The following TNKS variants were observed in gnomAD, a reference collection of about 807,000 sequenced individuals.
TNKS encodes the protein poly [ADP-ribose] polymerase tankyrase-1.
In TNKS, 72 loss-of-function variants were observed where a neutral mutation model predicts 135.8. The observed-to-expected ratio is 0.53, with a 90% CI of 0.44 to 0.64. The LOEUF (loss-of-function observed/expected upper bound fraction) is 0.64, where lower values mean the gene tolerates loss of function less well. Among genes scored for constraint, TNKS ranks in the 30% least tolerant of loss-of-function variants. The probability of loss-of-function intolerance (pLI) is 0.00; values close to 1 mark genes in which losing one functional copy is unlikely to be tolerated. For missense variants in TNKS, 1,769 were observed against 1,674.0 expected, an observed-to-expected ratio of 1.06 and a Z score of -0.99; for synonymous variants, 849 against 649.3, an observed-to-expected ratio of 1.31 and a Z score of -4.68.
intron 5 of TNKS, among the ~76,000 whole-genome samples, chr8:9,703,618 A>G (rs1278418685): frequency 1.3e-5 from 2 of 152,224 alleles, no homozygotes; most frequent in African/African-American, 2.4e-5. Context: ...CAGAATATGT[A>G]AAATGTATGA....
At chr8:9,599,050 A>T (rs1798917366) in intron 2 of TNKS, among the ~76,000 whole-genome samples, 1 of 151,892 alleles carries the variant, frequency 6.6e-6, no homozygotes, top group South Asian at 2.1e-4. Flanking sequence ...TGATCCTATT[A>T]TAAATTTCCC....
At chr8:9,708,614 T>A in intron 9 of TNKS, 122 bp downstream of exon 9, 1 of 1,080,516 alleles carries the variant, frequency 9.3e-7, no homozygotes, top group Non-Finnish European at 1.2e-6. Context: ...ATTTGCATGT[T>A]AATTTTGGTT....
At chr8:9,630,985 C>G (rs1042780082) in intron 3 of TNKS, among the ~76,000 whole-genome samples, 6 of 152,190 alleles carry the variant, frequency 3.9e-5, no homozygotes, top group Admixed American at 1.3e-4. Flanking sequence ...TTTTCATGAC[C>G]TTTTCTAAAA....
intron 2 of TNKS, among the ~76,000 whole-genome samples, chr8:9,612,411 T>C (rs1799495182): frequency 6.6e-6 from 1 of 152,136 alleles, no homozygotes. Flanking sequence ...AATGGAACTT[T>C]GTATAATATG....
chr8:9,763,175 T>C lies in TNKS; in HGVS notation c.3303T>C (p.Cys1101=), dbSNP rs762107646. The change falls in exon 22 of 27, where the codon TGT becomes TGC. Residue 1101 remains cysteine (C), a synonymous_variant. Coordinates refer to ENST00000310430, the MANE Select transcript of TNKS (RefSeq NM_003747.3). ...CCAATCCTTATTTGACTTTTCACTG[T>C]GTTAATCAGGGAACGATTTTGCTGG... ...QGTNPYLTFH[C]VNQGTILLDL... 6.2e-7 allele frequency: 1 copy of C among 1,604,866 alleles called. No homozygotes were observed. Among genetic ancestry groups the C allele is most frequent in the Non-Finnish European group, 8.5e-7 (1 of 1,174,522 alleles).
intron 14 of TNKS, among the ~76,000 whole-genome samples, chr8:9,732,778 T>C (rs1292225991): frequency 1.3e-5 from 2 of 152,184 alleles, no homozygotes; most frequent in Admixed American, 6.5e-5. Flanking sequence ...GTTGACATCG[T>C]CATTTTTCTT....
intron 2 of TNKS, among the ~76,000 whole-genome samples, chr8:9,598,763 GTGTATATATA>G (rs1798896266): frequency 3.4e-5 from 2 of 58,724 alleles, no homozygotes; most frequent in African/African-American, 1.2e-4. Context: ...ATATGTGTGT[GTGTATATATA>G]TATATATATA....
intron 3 of TNKS, among the ~76,000 whole-genome samples, chr8:9,651,278 C>T (rs949222755): frequency 1.2e-4 from 18 of 151,942 alleles, no homozygotes; most frequent in Admixed American, 9.8e-4. Context: ...ATAAAAATAG[C>T]AGCTAAAGTT....
At chr8:9,706,281 C>T (rs1336378238) in intron 7 of TNKS, 28 bp downstream of exon 7, 2 of 1,415,788 alleles carry the variant, frequency 1.4e-6, no homozygotes, top group African/African-American at 1.9e-5. Flanking sequence ...TATTGAGCAT[C>T]ATTTACTTTT....
At chr8:9,573,995 A>C (rs1022424365) in intron 1 of TNKS, among the ~76,000 whole-genome samples, 2 of 152,230 alleles carry the variant, frequency 1.3e-5, no homozygotes, top group African/African-American at 2.4e-5. Flanking sequence ...AATAGATACC[A>C]GTGACCTTAA....
At chr8:9,769,268 C>T (rs1379883884) in intron 25 of TNKS, among the ~76,000 whole-genome samples, 3 of 152,176 alleles carry the variant, frequency 2.0e-5, no homozygotes, top group Non-Finnish European at 4.4e-5. Context: ...TGGGCTATAG[C>T]TTGCTAACCC....
chr8:9,617,221 T>G (rs1449953110), intron 3 of TNKS, among the ~76,000 whole-genome samples: 1 of 152,222 alleles, frequency 6.6e-6, no homozygotes, highest in East Asian at 1.9e-4. Flanking sequence ...GTTGTTAGTT[T>G]GGGAAAGAGC....
At chr8:9,623,030 TG>T (rs1799923991) in intron 3 of TNKS, among the ~76,000 whole-genome samples, 1 of 152,190 alleles carries the variant, frequency 6.6e-6, no homozygotes, top group Non-Finnish European at 1.5e-5. Flanking sequence ...AATGATGAAC[TG>T]TAATGAGAGT....
At chr8:9,669,915 G>A (rs1802191903) in intron 3 of TNKS, among the ~76,000 whole-genome samples, 1 of 152,120 alleles carries the variant, frequency 6.6e-6, no homozygotes, top group Non-Finnish European at 1.5e-5. Context: ...GCTATAAAAA[G>A]GGCTATTGAG....
At chr8:9,749,349 C>G (rs1806398751) in intron 18 of TNKS, among the ~76,000 whole-genome samples, 1 of 152,172 alleles carries the variant, frequency 6.6e-6, no homozygotes, top group Non-Finnish European at 1.5e-5. Context: ...TAAAATTCAG[C>G]CAGACACATG....
chr8:9,666,939 A>T (rs1802027816), intron 3 of TNKS, among the ~76,000 whole-genome samples: 1 of 152,124 alleles, frequency 6.6e-6, no homozygotes, highest in Non-Finnish European at 1.5e-5. Flanking sequence ...TTCATAAAGA[A>T]ATTCTATCAA....
intron 5 of TNKS, among the ~76,000 whole-genome samples, chr8:9,691,258 T>C (rs1234099265): frequency 1.3e-5 from 1 of 77,754 alleles, no homozygotes; most frequent in Non-Finnish European, 2.9e-5. Context: ...CCAATTTCAA[T>C]ATTGTTATTC....
At chr8:9,648,272 C>G (rs941765862) in intron 3 of TNKS, among the ~76,000 whole-genome samples, 3 of 152,018 alleles carry the variant, frequency 2.0e-5, no homozygotes, top group Non-Finnish European at 2.9e-5. Flanking sequence ...ACTTTTTTCA[C>G]TTTGTAAAAG....
At position 9,776,825 on chromosome 8, in the gene TNKS, A is replaced by G. The variant is rs1300997510; in HGVS notation, c.*89A>G. ...TCTAATAACAACATCAATATTCTAG[A>G]AGTCCCTGACAGCCTAGAAATAAGC... On this transcript the variant is annotated 3_prime_UTR_variant, in exon 27 of 27. Coordinates refer to ENST00000310430, the MANE Select transcript of TNKS (RefSeq NM_003747.3). 8 of 1,294,140 alleles carry G rather than the reference A, an allele frequency of 6.2e-6. No individual in the cohort carries two copies. Among genetic ancestry groups the G allele is most frequent in the Middle Eastern group, 2.0e-4 (1 of 5,116 alleles). 80.2% of individuals were successfully genotyped at this position (1,294,140 alleles called of 1,614,324 possible).
Sources: gnomAD v4.1 joint callset for allele counts (sites outside exome capture counted in the v4.1 genomes callset) on GRCh38, gnomAD v4.1.1 for gene constraint, MANE v1.5 for transcripts, NCBI Gene and HGNC (gene_info 2026-07-23, HGNC 2026-07-21) for gene names.